ABHD12: variants seen among roughly 807,000 people sequenced by gnomAD.
The protein encoded by ABHD12 is abhydrolase domain containing 12, lysophospholipase.
ABHD12 carries 43 observed loss-of-function variants against 58.3 expected under a neutral mutation model. The observed-to-expected ratio is 0.74, with a 90% CI of 0.58 to 0.95. The LOEUF is 0.95. Among genes scored for constraint, ABHD12 ranks in the 40% least tolerant of loss-of-function variants. The probability of loss-of-function intolerance (pLI) is 0.00; values close to 1 mark genes in which losing one functional copy is unlikely to be tolerated. For missense variants in ABHD12, 539 were observed against 537.2 expected (o/e 1.00, Z -0.03); for synonymous variants, 219 against 211.2 (o/e 1.04, Z -0.32).
At position 25,322,377 on chromosome 20, in the gene ABHD12, A is replaced by ATTTT. The variant is rs1483645613; in HGVS notation, c.422+947_422+948insAAAA. Among the ~76,000 whole-genome samples, 4 of 42,276 alleles carry ATTTT rather than the reference A, an allele frequency of 9.5e-5. 1 individual carries two copies. Among genetic ancestry groups the ATTTT allele is most frequent in the Middle Eastern group, 0.017 (1 of 58 alleles). 27.7% of individuals were successfully genotyped at this position (42,276 alleles called of 152,430 possible). The stretch of plus-strand genomic sequence containing the variant: ...TCTTGGAAAAGATATATATATATAT[A>ATTTT]TATATTTTTTTTTTTTTTTGAGACA... On this transcript the variant is annotated intron_variant, in intron 3 of 12. Transcript: ENST00000339157.
At chr20:25,295,493 A>C (rs753420982), downstream of ABHD12, 27 of 1,302,462 alleles carry the variant, frequency 2.1e-5, no homozygotes, top group Non-Finnish European at 2.9e-5. Flanking sequence ...CCTTCGCTCC[A>C]GACAGGACCA....
chr20:25,368,822 TA>T (rs529181784), intron 1 of ABHD12: 3 of 578,836 alleles, frequency 5.2e-6, no homozygotes, highest in South Asian at 1.7e-5. Context: ...TACTTTCTTT[TA>T]AAAAAATTAT....
chr20:25,390,477 G>GGCCCC, intron 1 of ABHD12, 36 bp downstream of exon 1: 4 of 98,476 alleles, frequency 4.1e-5, no homozygotes, highest in East Asian at 7.1e-4. Context: ...TGAGGGACCG[G>GGCCCC]CCCCCCCCCC....
intron 2 of ABHD12, among the ~76,000 whole-genome samples, chr20:25,323,923 G>A (rs1463150170): frequency 2.0e-5 from 3 of 152,244 alleles, no homozygotes; most frequent in South Asian, 2.1e-4. Flanking sequence ...CCAACGGAAC[G>A]TTGGGTGGCA....
chr20:25,319,424 TCA>T (rs1223148474), intron 4 of ABHD12, among the ~76,000 whole-genome samples: 1 of 152,142 alleles, frequency 6.6e-6, no homozygotes, highest in Non-Finnish European at 1.5e-5. Context: ...AGCAGAGAGC[TCA>T]CACTGTAGGG....
chr20:25,321,367 T>C (rs2089063001), intron 3 of ABHD12, among the ~76,000 whole-genome samples: 1 of 152,236 alleles, frequency 6.6e-6, no homozygotes, highest in Admixed American at 6.5e-5. Flanking sequence ...TGGCCAGGAA[T>C]GGCCCCCAGG....
intron 3 of ABHD12, among the ~76,000 whole-genome samples, chr20:25,321,168 A>C (rs1208568969): frequency 6.6e-6 from 1 of 152,214 alleles, no homozygotes; most frequent in Non-Finnish European, 1.5e-5. Flanking sequence ...AGTCACTATG[A>C]TCATCACTCC....
At chr20:25,385,175 T>C (rs990191842) in intron 1 of ABHD12, among the ~76,000 whole-genome samples, 6 of 151,788 alleles carry the variant, frequency 4.0e-5, no homozygotes, top group South Asian at 2.1e-4. Flanking sequence ...CTGTCTCTAC[T>C]AAAAATACAA....
intron 1 of ABHD12, among the ~76,000 whole-genome samples, chr20:25,351,766 TG>T (rs2089602813): frequency 6.6e-6 from 1 of 152,006 alleles, no homozygotes; most frequent in Admixed American, 6.6e-5. Context: ...CAGGGGGTGG[TG>T]GCACATGCCT....
At chr20:25,366,608 A>G (rs537988741) in intron 1 of ABHD12, among the ~76,000 whole-genome samples, 1 of 152,306 alleles carries the variant, frequency 6.6e-6, no homozygotes, top group African/African-American at 2.4e-5. Context: ...CTTGAGTTAT[A>G]GTTAGAAAGC....
At chr20:25,315,543 C>G (rs2088945167) in intron 5 of ABHD12, among the ~76,000 whole-genome samples, 1 of 151,486 alleles carries the variant, frequency 6.6e-6, no homozygotes, top group African/African-American at 2.4e-5. Context: ...ACATGGGAGG[C>G]TGCCGCACCA....
At chr20:25,389,313 C>G (rs952671196) in intron 1 of ABHD12, among the ~76,000 whole-genome samples, 1 of 152,192 alleles carries the variant, frequency 6.6e-6, no homozygotes, top group African/African-American at 2.4e-5. Context: ...CTCCGCCCTT[C>G]TGTCAAACCA....
intron 10 of ABHD12, among the ~76,000 whole-genome samples, chr20:25,305,582 C>T (rs949984134): frequency 4.0e-5 from 6 of 151,560 alleles, no homozygotes; most frequent in Non-Finnish European, 5.9e-5. Flanking sequence ...AGGATGGTCT[C>T]GATCTCCTGA....
At chr20:25,362,823 C>T (rs1490542140) in intron 1 of ABHD12, among the ~76,000 whole-genome samples, 1 of 151,700 alleles carries the variant, frequency 6.6e-6, no homozygotes, top group African/African-American at 2.4e-5. Context: ...TGCAGGCGTG[C>T]ACCACCACCC....
chr20:25,306,734 A>G, intron 10 of ABHD12, 99 bp downstream of exon 10: 1 of 862,816 alleles, frequency 1.2e-6, no homozygotes, highest in Non-Finnish European at 1.9e-6. Context: ...AAATACACTG[A>G]ATTCCATCCT....
chr20:25,294,872 C>G (rs1435271746), exon 13 of ABHD12: 14 of 1,359,408 alleles, frequency 1.0e-5, no homozygotes, highest in Non-Finnish European at 1.4e-5. Context: ...TTGAATCCGG[C>G]GAGGGCTGGG....
intron 1 of ABHD12, among the ~76,000 whole-genome samples, chr20:25,384,526 C>G (rs1054771875): frequency 2.0e-5 from 3 of 151,778 alleles, no homozygotes; most frequent in Non-Finnish European, 4.4e-5. Flanking sequence ...GGGTGGATCA[C>G]TTGAGCTCAG....
intron 1 of ABHD12, among the ~76,000 whole-genome samples, chr20:25,380,113 C>G (rs2090005191): frequency 6.6e-6 from 1 of 152,180 alleles, no homozygotes; most frequent in African/African-American, 2.4e-5. Flanking sequence ...AGTGTTTAAT[C>G]TGCCCTTCAG....
intron 5 of ABHD12, among the ~76,000 whole-genome samples, chr20:25,315,537 G>A (rs1211238934): frequency 6.6e-6 from 1 of 150,852 alleles, no homozygotes; most frequent in Non-Finnish European, 1.5e-5. Flanking sequence ...AGAGCAACAT[G>A]GGAGGCTGCC....
Sources: allele counts gnomAD v4.1 joint callset (sites outside exome capture counted in the v4.1 genomes callset), GRCh38; gene constraint gnomAD v4.1.1; transcripts MANE v1.5; gene names NCBI Gene and HGNC (gene_info 2026-07-23, HGNC 2026-07-21).